The following WDR59 variants were observed in gnomAD, a reference collection of about 807,000 sequenced individuals.
The protein encoded by WDR59 is WD repeat domain 59.
In WDR59, 100 loss-of-function variants were observed where a neutral mutation model predicts 131.2. The observed-to-expected ratio is 0.76, with a 90% CI of 0.65 to 0.90. WDR59 has a LOEUF of 0.90. Ranked by LOEUF, WDR59 falls within the 40% of genes least tolerant of loss-of-function variation. The pLI is 0.00. For synonymous variants in WDR59, 601 were observed against 466.2 expected (o/e 1.29, Z -3.72); for missense variants, 1,203 against 1,262.2 (o/e 0.95, Z 0.71).
chr16:74,950,088 T>C, intron 4 of WDR59: 1 of 425,652 alleles, frequency 2.3e-6, no homozygotes, highest in South Asian at 1.8e-5. Context: ...ACGACTGTAA[T>C]CCCAGCACTT....
At chr16:74,883,869 A>G (rs932022661) in intron 25 of WDR59, among the ~76,000 whole-genome samples, 2 of 151,998 alleles carry the variant, frequency 1.3e-5, no homozygotes, top group African/African-American at 2.4e-5. Flanking sequence ...TCTAGCCCCA[A>G]TCTCTTCTCT....
intron 25 of WDR59, 109 bp downstream of exon 25, chr16:74,885,544 C>A: frequency 8.1e-7 from 1 of 1,237,946 alleles, no homozygotes; most frequent in Non-Finnish European, 1.0e-6. Flanking sequence ...TCAGAAATTT[C>A]TGCTTAGAAA....
intron 17 of WDR59, among the ~76,000 whole-genome samples, chr16:74,905,306 C>T (rs779092647): frequency 1.3e-5 from 2 of 151,186 alleles, no homozygotes; most frequent in Non-Finnish European, 2.9e-5. Context: ...ACCCGGGAGG[C>T]GGAGGTTGTG....
At chr16:74,934,861 C>CA (rs201215889) in intron 8 of WDR59, among the ~76,000 whole-genome samples, 10,253 of 151,854 alleles carry the variant, frequency 0.068, 766 homozygotes, top group East Asian at 0.28. Context: ...GAGCCTTGGT[C>CA]AAAAAAGAAC....
intron 25 of WDR59, among the ~76,000 whole-genome samples, chr16:74,884,475 A>G (rs1447353511): frequency 6.6e-6 from 1 of 152,126 alleles, no homozygotes; most frequent in Admixed American, 6.5e-5. Context: ...CAGCCTCCTG[A>G]GTAGCTGGGA....
intron 6 of WDR59, 103 bp from the exon 7 acceptor site, chr16:74,942,929 C>G: frequency 1.0e-6 from 1 of 997,684 alleles, no homozygotes; most frequent in Non-Finnish European, 1.5e-6. Context: ...GCTGAATAAG[C>G]CCAGAACCCT....
Position 74,923,892 on chromosome 16 carries a change from A to G in WDR59, c.729+34T>C, listed in dbSNP as rs376148909. ...CTTCTTTTTGGAACACCCAAAAAGA[A>G]GTTTCTTATCAAGAGGCAGGGTGGC... On this transcript the variant is annotated intron_variant, in intron 9 of 25. Transcript: ENST00000262144. The G allele has an allele frequency of 5.5e-5, 87 of 1,590,652 alleles. 3 individuals are homozygous for G. In the African/African-American group the frequency reaches 8.6e-4, roughly 16 times the overall value.
chr16:74,904,234 A>G (rs1488122304), intron 17 of WDR59, 134 bp from the exon 18 acceptor site: 1 of 1,106,580 alleles, frequency 9.0e-7, no homozygotes, highest in Non-Finnish European at 1.3e-6. Context: ...AGAAGTCAAT[A>G]AAACTTTTAA....
At chr16:74,917,166 G>C (rs942619662) in intron 11 of WDR59, among the ~76,000 whole-genome samples, 4 of 152,200 alleles carry the variant, frequency 2.6e-5, no homozygotes, top group Non-Finnish European at 5.9e-5. Flanking sequence ...CACCAAAGCA[G>C]CTCATGCCAG....
intron 13 of WDR59, chr16:74,915,340 TC>T (rs1208847778): frequency 6.5e-6 from 1 of 153,074 alleles, no homozygotes; most frequent in African/African-American, 2.4e-5. Context: ...CATCAGGTTC[TC>T]CTTTGGCTCA....
chr16:74,884,209 C>T (rs912004995), intron 25 of WDR59, among the ~76,000 whole-genome samples: 12 of 152,228 alleles, frequency 7.9e-5, no homozygotes, highest in Non-Finnish European at 1.2e-4. Context: ...CGTCTCTGAA[C>T]GGGCTTCCTA....
chr16:74,897,008 A>C (rs1008724532), intron 18 of WDR59, among the ~76,000 whole-genome samples: 2 of 152,216 alleles, frequency 1.3e-5, no homozygotes, highest in Non-Finnish European at 2.9e-5. Context: ...TCAGTATATA[A>C]TTTTATATTA....
intron 1 of WDR59, among the ~76,000 whole-genome samples, chr16:74,978,393 G>C (rs761011532): frequency 6.6e-6 from 1 of 151,394 alleles, no homozygotes; most frequent in African/African-American, 2.4e-5. Flanking sequence ...TCAGGAGGCT[G>C]AGATGGGAGG....
At chr16:74,880,195 C>A (rs1166461226) in intron 25 of WDR59, among the ~76,000 whole-genome samples, 1 of 152,246 alleles carries the variant, frequency 6.6e-6, no homozygotes, top group Middle Eastern at 3.4e-3. Flanking sequence ...CGCCTGTAAT[C>A]CCAGCACTTT....
chr16:74,936,546 C>T (rs2031814271), intron 8 of WDR59, among the ~76,000 whole-genome samples: 2 of 151,968 alleles, frequency 1.3e-5, no homozygotes, highest in Non-Finnish European at 2.9e-5. Flanking sequence ...CCAAATGCAG[C>T]CGGGCATGGT....
intron 19 of WDR59, 38 bp downstream of exon 19, chr16:74,893,640 TA>T: frequency 6.4e-7 from 1 of 1,559,396 alleles, no homozygotes. Context: ...TAATCCTGGC[TA>T]AATGATGAGT....
chr16:74,956,011 A>C (rs1295125364), intron 3 of WDR59, among the ~76,000 whole-genome samples: 1 of 152,162 alleles, frequency 6.6e-6, no homozygotes, highest in African/African-American at 2.4e-5. Context: ...GGGTTAACGA[A>C]ATCTAATGAT....
At chr16:74,938,350 T>A in intron 7 of WDR59, 84 bp from the exon 8 acceptor site, 1 of 948,160 alleles carries the variant, frequency 1.1e-6, no homozygotes. Flanking sequence ...AGGTAGTGAG[T>A]GAGGATGCAA....
In WDR59 at chr16:74,898,480, G is replaced by C. The variant is rs946213144; in HGVS notation, c.1867-4668C>G. 4.6e-5 allele frequency among the ~76,000 whole-genome samples: 7 copies of C among 152,204 alleles called. No individual in the cohort carries two copies. The South Asian group carries it at 1.4e-3, about 31-fold the overall frequency. ...ACAAATTATTACATGATGAGCACCA[G>C]GCTGCCCCTCTGAACAAACCAAGAA... On this transcript the variant is annotated intron_variant, in intron 18 of 25. Coordinates refer to ENST00000262144, the MANE Select transcript of WDR59 (RefSeq NM_030581.4).
Sources: gnomAD v4.1 joint callset for allele counts (sites outside exome capture counted in the v4.1 genomes callset) on GRCh38, gnomAD v4.1.1 for gene constraint, MANE v1.5 for transcripts, NCBI Gene and HGNC (gene_info 2026-07-23, HGNC 2026-07-21) for gene names.